AGBL4: variants seen among roughly 807,000 people sequenced by gnomAD.
AGBL4 encodes the protein cytosolic carboxypeptidase 6.
In AGBL4, 58 loss-of-function variants were observed where a neutral mutation model predicts 66.4. The observed-to-expected ratio is 0.87, with a 90% confidence interval of 0.71 to 1.09. The LOEUF (loss-of-function observed/expected upper bound fraction) is 1.09, where lower values mean the gene tolerates loss of function less well. AGBL4 is among the 50% of genes least tolerant of loss of function. The pLI, the probability that AGBL4 is intolerant of heterozygous loss-of-function variation, is 0.00. For synonymous variants in AGBL4, 234 were observed against 222.9 expected, an observed-to-expected ratio of 1.05 and a Z score of -0.44; for missense variants, 579 against 631.0, an observed-to-expected ratio of 0.92 and a Z score of 0.88.
intron 5 of AGBL4, among the ~76,000 whole-genome samples, chr1:49,005,829 C>T (rs963436429): frequency 2.2e-4 from 34 of 151,992 alleles, no homozygotes; most frequent in Non-Finnish European, 4.3e-4. Context: ...GGTGAAACCC[C>T]GTCTCTACTA....
chr1:49,579,541 C>T (rs530341823), intron 3 of AGBL4, among the ~76,000 whole-genome samples: 1 of 152,204 alleles, frequency 6.6e-6, no homozygotes, highest in South Asian at 2.1e-4. Context: ...GCTCTTTCAC[C>T]CAGGCCAGAC....
chr1:49,048,136 G>A (rs1329041226), intron 4 of AGBL4, among the ~76,000 whole-genome samples: 2 of 152,122 alleles, frequency 1.3e-5, no homozygotes. Context: ...CTGACTTGAC[G>A]GTCTGAGTTT....
At chr1:49,289,547 G>A (rs1557809924) in intron 3 of AGBL4, among the ~76,000 whole-genome samples, 1 of 152,122 alleles carries the variant, frequency 6.6e-6, no homozygotes, top group Non-Finnish European at 1.5e-5. Context: ...TCAAATAGTG[G>A]TTACATGTCT....
chr1:49,518,706 A>G (rs1039782812), intron 3 of AGBL4, among the ~76,000 whole-genome samples: 1 of 152,102 alleles, frequency 6.6e-6, no homozygotes, highest in African/African-American at 2.4e-5. Flanking sequence ...TGATACTATA[A>G]AGGAATGTAA....
chr1:48,992,968 T>G (rs916679001), intron 5 of AGBL4, among the ~76,000 whole-genome samples: 6 of 152,262 alleles, frequency 3.9e-5, no homozygotes, highest in African/African-American at 1.4e-4. Context: ...TGCTTGGTTC[T>G]CTACCCTTAT....
intron 2 of AGBL4, among the ~76,000 whole-genome samples, chr1:49,800,079 T>C (rs932322559): frequency 4.6e-5 from 7 of 152,192 alleles, no homozygotes; most frequent in African/African-American, 1.4e-4. Context: ...TTTTCTACTG[T>C]CTGCTTAGGG....
chr1:48,642,215 A>G (rs1645767640), intron 8 of AGBL4, among the ~76,000 whole-genome samples: 1 of 152,170 alleles, frequency 6.6e-6, no homozygotes, highest in Admixed American at 6.5e-5. Flanking sequence ...CAAGATTAGC[A>G]CTTAGTTTTT....
intron 2 of AGBL4, among the ~76,000 whole-genome samples, chr1:49,706,686 T>A (rs1310267197): frequency 6.6e-6 from 1 of 152,172 alleles, no homozygotes; most frequent in East Asian, 1.9e-4. Flanking sequence ...GGGCATTTAG[T>A]GCTATAAATT....
intron 1 of AGBL4, among the ~76,000 whole-genome samples, chr1:50,010,033 C>T (rs1012559930): frequency 2.0e-5 from 3 of 152,044 alleles, no homozygotes; most frequent in African/African-American, 4.8e-5. Flanking sequence ...TTCGGCCAGG[C>T]GCAGTGGCTC....
At chr1:49,806,543 A>T (rs1271876829) in intron 2 of AGBL4, among the ~76,000 whole-genome samples, 1 of 152,240 alleles carries the variant, frequency 6.6e-6, no homozygotes, top group African/African-American at 2.4e-5. Context: ...GAACTTAAAG[A>T]TCTGAAAAAC....
At chr1:49,548,489 A>G (rs2148833828) in intron 3 of AGBL4, among the ~76,000 whole-genome samples, 1 of 152,292 alleles carries the variant, frequency 6.6e-6, no homozygotes, top group Non-Finnish European at 1.5e-5. Flanking sequence ...TCATAAAGTG[A>G]TGCTGGATTT....
At chr1:49,671,414 G>C (rs1027643671) in intron 3 of AGBL4, among the ~76,000 whole-genome samples, 2 of 151,966 alleles carry the variant, frequency 1.3e-5, no homozygotes, top group Non-Finnish European at 2.9e-5. Flanking sequence ...CATCCTGGAC[G>C]TGGGAACGGG....
intron 3 of AGBL4, among the ~76,000 whole-genome samples, chr1:49,498,800 T>C (rs1570880573): frequency 6.6e-6 from 1 of 151,998 alleles, no homozygotes; most frequent in African/African-American, 2.4e-5. Context: ...CTTTGTCAGA[T>C]GCCTTTTCTT....
intron 2 of AGBL4, among the ~76,000 whole-genome samples, chr1:49,712,793 T>G (rs1319208361): frequency 6.6e-6 from 1 of 151,956 alleles, no homozygotes; most frequent in Non-Finnish European, 1.5e-5. Context: ...CCACTTAGTA[T>G]CTGGGTTATC....
intron 3 of AGBL4, among the ~76,000 whole-genome samples, chr1:49,603,939 C>T (rs997085026): frequency 2.1e-4 from 22 of 103,980 alleles, no homozygotes; most frequent in African/African-American, 1.2e-3. Context: ...TACACACACA[C>T]ACACACACAC....
chr1:49,288,639 C>T (rs968795565), intron 3 of AGBL4, among the ~76,000 whole-genome samples: 2 of 152,094 alleles, frequency 1.3e-5, no homozygotes, highest in African/African-American at 4.8e-5. Context: ...GGTTAAAATG[C>T]TAAGTGGAGC....
rs140764710 is a variant in AGBL4 at position 49,147,897 on chromosome 1, A to T, written c.377+97873T>A. Among the ~76,000 whole-genome samples the T allele has an allele frequency of 3.7e-3, 570 of 152,216 alleles. 3 individuals carry two copies. Among genetic ancestry groups the T allele is most frequent in the African/African-American group, 0.013 (532 of 41,554 alleles). ...GGGGAGAGGAGTCTCAAGTCATGCAAGTTGCTTCCAGTATCTCCCTATGCA... is the reference window on the plus strand; with the variant it reads ...GGGGAGAGGAGTCTCAAGTCATGCATGTTGCTTCCAGTATCTCCCTATGCA... On this transcript the variant is annotated intron_variant, in intron 4 of 13. Coordinates refer to ENST00000371839, the MANE Select transcript of AGBL4 (RefSeq NM_032785.4).
At chr1:48,860,756 G>A (rs1647393385) in intron 6 of AGBL4, among the ~76,000 whole-genome samples, 1 of 152,138 alleles carries the variant, frequency 6.6e-6, no homozygotes, top group South Asian at 2.1e-4. Flanking sequence ...AGAGGCAACT[G>A]CAAAAACCAT....
At chr1:49,290,357 A>G (rs1194570099) in intron 3 of AGBL4, among the ~76,000 whole-genome samples, 1 of 152,148 alleles carries the variant, frequency 6.6e-6, no homozygotes, top group African/African-American at 2.4e-5. Context: ...AGTTCTTCTC[A>G]TTTTAGATGA....
Sources: gnomAD v4.1 joint callset for allele counts (sites outside exome capture counted in the v4.1 genomes callset) on GRCh38, gnomAD v4.1.1 for gene constraint, MANE v1.5 for transcripts, NCBI Gene and HGNC (gene_info 2026-07-23, HGNC 2026-07-21) for gene names.